The following ECHDC1 variants were observed in gnomAD, a reference collection of about 807,000 sequenced individuals.
ECHDC1 encodes the protein ethylmalonyl-CoA decarboxylase.
Under a neutral mutation model 29.7 loss-of-function variants are expected in ECHDC1, and 29 were observed. The ratio of observed to expected loss-of-function variants is 0.98; its 90% CI spans 0.73 to 1.33. The LOEUF is 1.33. Among genes scored for constraint, ECHDC1 ranks in the 40% most tolerant of loss-of-function variants. ECHDC1 has a pLI of 0.00. For missense variants in ECHDC1, 328 were observed against 350.0 expected (o/e 0.94, Z 0.50); for synonymous variants, 126 against 123.1 (o/e 1.02, Z -0.15).
At chr6:127,327,208 T>C (rs1167279694) in intron 2 of ECHDC1, 64 bp from the exon 3 acceptor site, 7 of 1,555,686 alleles carry the variant, frequency 4.5e-6, no homozygotes, top group Non-Finnish European at 6.1e-6. Context: ...AGAAATAATT[T>C]ATAAATCACA....
intron 3 of ECHDC1, among the ~76,000 whole-genome samples, chr6:127,319,881 C>T (rs540478346): frequency 5.9e-5 from 9 of 152,280 alleles, no homozygotes; most frequent in Non-Finnish European, 2.9e-5. Context: ...ATCATATGTA[C>T]TCTAAGCCAT....
chr6:127,330,760 A>G (rs1268335974), intron 2 of ECHDC1, 49 bp downstream of exon 2: 2 of 1,509,500 alleles, frequency 1.3e-6, no homozygotes, highest in Non-Finnish European at 1.8e-6. Flanking sequence ...ACTTGTGATA[A>G]CAGTTTAGAT....
At position 127,290,004 on chromosome 6, in the gene ECHDC1, C is replaced by T; in HGVS notation, c.771G>A (p.Leu257=). ...IQGPPEVIRA[L]KKSVCSGREL... is the part of the protein sequence containing the mutation. ...CTCTGCCTGAACAAACAGATTTTTT[C>T]AAAGCTCTAATTACTTCCGGTGGCC... is the stretch of plus-strand genomic sequence containing the variant. The change falls in exon 6 of 6, where the codon TTG becomes TTA. Residue 257 remains leucine, a synonymous_variant. Transcript: ENST00000454859. The T allele has an allele frequency of 6.2e-7, 1 of 1,613,678 alleles. No individual in the cohort carries two copies. Among genetic ancestry groups the T allele is most frequent in the Non-Finnish European group, 8.5e-7 (1 of 1,179,744 alleles).
chr6:127,299,926 C>G (rs1780927229), intron 5 of ECHDC1, among the ~76,000 whole-genome samples: 1 of 152,076 alleles, frequency 6.6e-6, no homozygotes, highest in Non-Finnish European at 1.5e-5. Flanking sequence ...GTTACAACTG[C>G]CTATAGTATT....
chr6:127,308,455 T>C (rs1203768249), intron 5 of ECHDC1, among the ~76,000 whole-genome samples: 1 of 152,100 alleles, frequency 6.6e-6, no homozygotes, highest in Non-Finnish European at 1.5e-5. Flanking sequence ...TATCCCTTCA[T>C]GATAAAAAAC....
intron 5 of ECHDC1, among the ~76,000 whole-genome samples, chr6:127,293,300 T>C (rs1405987296): frequency 1.3e-5 from 2 of 152,272 alleles, no homozygotes; most frequent in African/African-American, 2.4e-5. Flanking sequence ...TTTTGTAATG[T>C]TGATTATTAA....
rs80265570 is a variant in ECHDC1 at position 127,316,979 on chromosome 6, A to G, written c.364-477T>C. Among the ~76,000 whole-genome samples, 29 of 152,222 alleles carry G rather than the reference A, an allele frequency of 1.9e-4. No homozygotes were observed. In the East Asian group the frequency reaches 5.6e-3, roughly 29 times the overall value. On this transcript the variant is annotated intron_variant, in intron 3 of 5. Transcript: ENST00000454859. The stretch of plus-strand genomic sequence containing the variant: ...AATTTCCTAAGAGTAGTCCAAACTC[A>G]TTGCCTTGTCTTTTTTTTAGCTCAC...
chr6:127,310,660 A>G (rs888012929), intron 5 of ECHDC1, among the ~76,000 whole-genome samples: 9 of 152,240 alleles, frequency 5.9e-5, no homozygotes, highest in African/African-American at 2.2e-4. Flanking sequence ...TGCTGTGAAC[A>G]CTGTTGAAAT....
chr6:127,315,880 T>G (rs2114621162), intron 4 of ECHDC1: 1 of 447,528 alleles, frequency 2.2e-6, no homozygotes, highest in Non-Finnish European at 4.6e-6. Flanking sequence ...ATTCGGAATG[T>G]GAAAGTAGAA....
At chr6:127,332,904 T>C (rs554637664) in intron 1 of ECHDC1, among the ~76,000 whole-genome samples, 1 of 152,272 alleles carries the variant, frequency 6.6e-6, no homozygotes, top group East Asian at 1.9e-4. Context: ...GTGATTCTCG[T>C]GCCTAAGCCT....
At chr6:127,319,216 C>G (rs1466747071) in intron 3 of ECHDC1, among the ~76,000 whole-genome samples, 1 of 152,200 alleles carries the variant, frequency 6.6e-6, no homozygotes, top group East Asian at 1.9e-4. Context: ...AATCTGCCTA[C>G]ATTTGAATCT....
intron 3 of ECHDC1, 41 bp downstream of exon 3, chr6:127,326,961 T>C (rs1365466945): frequency 5.0e-6 from 8 of 1,587,690 alleles, no homozygotes; most frequent in Non-Finnish European, 6.9e-6. Flanking sequence ...ACATGTCTAA[T>C]AAACATGTAG....
At chr6:127,308,098 A>C (rs1440487903) in intron 5 of ECHDC1, among the ~76,000 whole-genome samples, 1 of 152,202 alleles carries the variant, frequency 6.6e-6, no homozygotes, top group Non-Finnish European at 1.5e-5. Flanking sequence ...TACTCAAACT[A>C]TTCCGATATT....
chr6:127,293,977 T>C (rs1340992528), intron 5 of ECHDC1, among the ~76,000 whole-genome samples: 2 of 152,166 alleles, frequency 1.3e-5, no homozygotes, highest in Non-Finnish European at 2.9e-5. Context: ...AATTTTTATA[T>C]TGCCAAATAA....
At chr6:127,290,395 AAAAACAAT>A in intron 5 of ECHDC1, 118 bp from the exon 6 acceptor site, 1 of 1,043,004 alleles carries the variant, frequency 9.6e-7, no homozygotes, top group Non-Finnish European at 1.3e-6. Context: ...TAGGTATATT[AAAAACAAT>A]GTTTGAAAAA....
chr6:127,329,013 T>A (rs1014654423), intron 2 of ECHDC1, among the ~76,000 whole-genome samples: 2 of 151,772 alleles, frequency 1.3e-5, no homozygotes, highest in African/African-American at 2.4e-5. Flanking sequence ...GGCGACAGAG[T>A]GAGACTCCAT....
At chr6:127,340,247 C>T (rs1334975826) in intron 1 of ECHDC1, among the ~76,000 whole-genome samples, 7 of 152,150 alleles carry the variant, frequency 4.6e-5, no homozygotes, top group Non-Finnish European at 8.8e-5. Context: ...TAACCTGATG[C>T]ATTTTCTATA....
At chr6:127,308,448 C>T (rs1781621878) in intron 5 of ECHDC1, among the ~76,000 whole-genome samples, 1 of 152,048 alleles carries the variant, frequency 6.6e-6, no homozygotes, top group Non-Finnish European at 1.5e-5. Context: ...AATTCAATAT[C>T]CCTTCATGAT....
intron 3 of ECHDC1, among the ~76,000 whole-genome samples, chr6:127,319,107 T>A (rs969157624): frequency 5.9e-5 from 9 of 152,198 alleles, no homozygotes; most frequent in Admixed American, 3.9e-4. Context: ...TATTAGCCTG[T>A]GTACTATTAT....
Sources: allele counts gnomAD v4.1 joint callset (sites outside exome capture counted in the v4.1 genomes callset), GRCh38; gene constraint gnomAD v4.1.1; transcripts MANE v1.5; gene names NCBI Gene and HGNC (gene_info 2026-07-23, HGNC 2026-07-21).